ESF1: variants seen among roughly 807,000 people sequenced by gnomAD.
ESF1 encodes ESF1 homolog.
A neutral mutation model predicts 92.0 loss-of-function variants in ESF1; 58 were observed. The ratio of observed to expected loss-of-function variants is 0.63; its 90% CI spans 0.51 to 0.78. The LOEUF is 0.78. Ranked by LOEUF, ESF1 falls within the 30% of genes least tolerant of loss-of-function variation. The pLI is 0.00. For missense variants in ESF1, 922 were observed against 989.1 expected, an observed-to-expected ratio of 0.93 and a Z score of 0.91; for synonymous variants, 321 against 313.7, an observed-to-expected ratio of 1.02 and a Z score of -0.24.
intron 9 of ESF1, among the ~76,000 whole-genome samples, chr20:13,742,644 T>C (rs2050022323): frequency 6.6e-6 from 1 of 152,004 alleles, no homozygotes; most frequent in South Asian, 2.1e-4. Flanking sequence ...GACAGGAGTA[T>C]GAATATACAA....
At chr20:13,748,738 C>A (rs913238115) in intron 9 of ESF1, among the ~76,000 whole-genome samples, 1 of 151,148 alleles carries the variant, frequency 6.6e-6, no homozygotes, top group Non-Finnish European at 1.5e-5. Context: ...AGGCACCCGC[C>A]ACTAGGCCGG....
At chr20:13,750,905 C>T (rs1429622339) in intron 9 of ESF1, among the ~76,000 whole-genome samples, 1 of 152,188 alleles carries the variant, frequency 6.6e-6, no homozygotes, top group South Asian at 2.1e-4. Context: ...TCGCTTGAGC[C>T]CATGAATGAG....
At position 13,771,719 on chromosome 20, in the gene ESF1, T is replaced by C. The variant is rs182097205; in HGVS notation, c.1251-236A>G. On this transcript the variant is annotated intron_variant, in intron 5 of 13. Coordinates refer to ENST00000617257, the MANE Select transcript of ESF1 (RefSeq NM_001276380.2). ...TATCTAGGAAAGGAGTGTGTGGGAA[T>C]TCGTGTGTTTATCTATAATTTAACT... Among the ~76,000 whole-genome samples, 131 of 152,194 alleles carry C rather than the reference T, an allele frequency of 8.6e-4. 1 individual carries two copies. Among genetic ancestry groups the C allele is most frequent in the Non-Finnish European group, 1.6e-3 (106 of 67,970 alleles).
intron 13 of ESF1, among the ~76,000 whole-genome samples, chr20:13,716,751 CCA>C (rs2049829143): frequency 6.7e-6 from 1 of 148,398 alleles, no homozygotes; most frequent in Non-Finnish European, 1.5e-5. Context: ...AGCGATCCTC[CCA>C]CCTCAGCCTC....
chr20:13,761,439 T>A (rs1600286667), intron 8 of ESF1, among the ~76,000 whole-genome samples: 2 of 151,030 alleles, frequency 1.3e-5, no homozygotes, highest in South Asian at 2.1e-4. Context: ...GAAGATGGCA[T>A]TTTATCCCTC....
intron 2 of ESF1, among the ~76,000 whole-genome samples, chr20:13,779,445 C>T (rs1980084757): frequency 6.6e-6 from 1 of 152,106 alleles, no homozygotes; most frequent in Non-Finnish European, 1.5e-5. Flanking sequence ...CTGGTCATAT[C>T]GTTATTTTGG....
intron 9 of ESF1, among the ~76,000 whole-genome samples, chr20:13,745,727 C>T (rs2050044010): frequency 6.6e-6 from 1 of 152,302 alleles, no homozygotes; most frequent in South Asian, 2.1e-4. Context: ...GCTGGGATTA[C>T]AGGCATGAGC....
At chr20:13,724,524 T>C (rs1048375462) in intron 11 of ESF1, among the ~76,000 whole-genome samples, 6 of 152,178 alleles carry the variant, frequency 3.9e-5, no homozygotes, top group Non-Finnish European at 8.8e-5. Flanking sequence ...GTACAAAATG[T>C]TAACATTCAA....
intron 12 of ESF1, among the ~76,000 whole-genome samples, chr20:13,717,881 C>T (rs995118468): frequency 7.9e-5 from 12 of 151,552 alleles, no homozygotes; most frequent in Non-Finnish European, 1.5e-4. Flanking sequence ...GATGCTAAAT[C>T]TAGCAAATGT....
intron 11 of ESF1, among the ~76,000 whole-genome samples, chr20:13,726,664 T>C (rs1201732294): frequency 1.3e-5 from 2 of 152,240 alleles, no homozygotes; most frequent in Non-Finnish European, 2.9e-5. Context: ...CCATGAGGGA[T>C]GCAATCCTGT....
intron 11 of ESF1, among the ~76,000 whole-genome samples, chr20:13,720,634 T>C (rs546691075): frequency 3.3e-4 from 51 of 152,338 alleles, no homozygotes; most frequent in South Asian, 1.0e-3. Context: ...TTCTAGACTA[T>C]AGTGAACTAA....
At chr20:13,773,892 G>A (rs1025076891) in intron 4 of ESF1, among the ~76,000 whole-genome samples, 24 of 152,134 alleles carry the variant, frequency 1.6e-4, no homozygotes, top group African/African-American at 5.3e-4. Flanking sequence ...TCAGGAGATC[G>A]AGACCATCCT....
chr20:13,739,286 C>T (rs1027848320), intron 9 of ESF1, among the ~76,000 whole-genome samples: 7 of 152,122 alleles, frequency 4.6e-5, no homozygotes, highest in African/African-American at 1.7e-4. Context: ...TTCCAAATCG[C>T]CTTTTACTCT....
rs1038789047 is a variant in ESF1, at chr20:13,766,833, T to G, written c.1610A>C (p.Gln537Pro). ...TTCACTAGAGGAAGCTAAGTAGGCT[T>G]GAAAATCCATGTCCAAAAGCTCTTC... ...KKEELLDMDF[Q>P]AYLASSSEDE... The change falls in exon 8 of 14, where the codon CAA becomes CCA. Residue 537 changes from glutamine (Q) to proline (P), a missense_variant. Transcript: ENST00000617257. 1 of 1,613,778 alleles carries G rather than the reference T, an allele frequency of 6.2e-7. No individual in the cohort carries two copies. Among genetic ancestry groups the G allele is most frequent in the Non-Finnish European group, 8.5e-7 (1 of 1,179,930 alleles).
intron 9 of ESF1, among the ~76,000 whole-genome samples, chr20:13,743,908 TA>T (rs1401933332): frequency 6.6e-6 from 1 of 152,218 alleles, no homozygotes; most frequent in African/African-American, 2.4e-5. Context: ...CTTTGTCAAT[TA>T]AATATTTTTA....
Position 13,737,178 on chromosome 20 carries a change from T to C in ESF1, c.1829-3336A>G, listed in dbSNP as rs76614493. 7.3e-3 allele frequency among the ~76,000 whole-genome samples: 1,119 copies of C among 152,320 alleles called. 6 individuals are homozygous for C. The highest frequency in any genetic ancestry group is 0.021 in the South Asian group (103 of 4,820). The stretch of plus-strand genomic sequence containing the variant: ...ACAAATTTGTTTAAAAAATTTTAAG[T>C]GCATATCCAAGGACTTCTGAATTAG... On this transcript the variant is annotated intron_variant, in intron 9 of 13. Coordinates refer to ENST00000617257, the MANE Select transcript of ESF1 (RefSeq NM_001276380.2).
intron 13 of ESF1, among the ~76,000 whole-genome samples, chr20:13,715,519 A>C (rs984878500): frequency 1.3e-5 from 2 of 152,206 alleles, no homozygotes; most frequent in African/African-American, 4.8e-5. Context: ...TTACAGCACA[A>C]AATCAATTTC....
chr20:13,757,805 A>G (rs531030120), intron 9 of ESF1, among the ~76,000 whole-genome samples: 1 of 152,172 alleles, frequency 6.6e-6, no homozygotes, highest in Non-Finnish European at 1.5e-5. Flanking sequence ...ATATTTCTGA[A>G]ATATTTGCTA....
intron 6 of ESF1, 136 bp from the exon 7 acceptor site, chr20:13,770,157 A>T (rs548490492): frequency 1.7e-6 from 1 of 573,858 alleles, no homozygotes; most frequent in African/African-American, 1.9e-5. Context: ...AATGTTAGAC[A>T]TAACCTTTGT....
Sources: gnomAD v4.1 joint callset for allele counts (sites outside exome capture counted in the v4.1 genomes callset) on GRCh38, gnomAD v4.1.1 for gene constraint, MANE v1.5 for transcripts, NCBI Gene and HGNC (gene_info 2026-07-23, HGNC 2026-07-21) for gene names.